C6: variants seen among roughly 807,000 people sequenced by gnomAD.
The protein encoded by C6 is complement component C6.
In C6, 101 loss-of-function variants were observed where a neutral mutation model predicts 112.9. The ratio of observed to expected loss-of-function variants is 0.89; its 90% CI spans 0.76 to 1.06. The LOEUF (loss-of-function observed/expected upper bound fraction) is 1.06, where lower values mean the gene tolerates loss of function less well. C6 is among the 50% of genes least tolerant of loss of function. The pLI, the probability that C6 is intolerant of heterozygous loss-of-function variation, is 0.00. For missense variants in C6, 1,202 were observed against 1,104.6 expected, an observed-to-expected ratio of 1.09 and a Z score of -1.25; for synonymous variants, 431 against 384.1, an observed-to-expected ratio of 1.12 and a Z score of -1.43.
chr5:41,221,159 C>T (rs1300195745), intron 1 of C6, among the ~76,000 whole-genome samples: 1 of 151,772 alleles, frequency 6.6e-6, no homozygotes, highest in African/African-American at 2.4e-5. Context: ...TATTTTTTTG[C>T]TGTTGTTGGT....
intron 12 of C6, 94 bp from the exon 13 acceptor site, chr5:41,158,879 C>T (rs41271069): frequency 0.012 from 11,816 of 955,064 alleles, 111 homozygotes; most frequent in Non-Finnish European, 0.015. Flanking sequence ...GTACACATTG[C>T]ATACATATAT....
rs894782145 is a variant in C6, at chr5:41,160,196, G to GAC, written c.1628_1629dup (p.Gln544ValfsTer22). On this transcript the variant is annotated frameshift_variant, in exon 11 of 18. Coordinates refer to ENST00000337836, the MANE Select transcript of C6 (RefSeq NM_000065.5). LOFTEE classifies it high-confidence loss of function. ...CAGTTCTCACCATAGGTGCCACTCT[G>GAC]ACACACACACAGACATTCAGTCCCT... 3 of 1,613,534 alleles carry GAC rather than the reference G, an allele frequency of 1.9e-6. No homozygotes were observed. Among genetic ancestry groups the GAC allele is most frequent in the Admixed American group, 3.3e-5 (2 of 59,980 alleles).
At chr5:41,184,462 ATTTTCTTTTC>A (rs201866805) in intron 6 of C6, among the ~76,000 whole-genome samples, 6,945 of 146,856 alleles carry the variant, frequency 0.047, 167 homozygotes, top group Middle Eastern at 0.072. Context: ...ATAAGCCTAA[ATTTTCTTTTC>A]TTTTCTTTTC....
At chr5:41,150,506 T>C (rs1746286743) in intron 15 of C6, among the ~76,000 whole-genome samples, 1 of 151,992 alleles carries the variant, frequency 6.6e-6, no homozygotes. Flanking sequence ...TAATAAAAAA[T>C]TGATGTAGCT....
intron 12 of C6, 130 bp downstream of exon 12, chr5:41,158,952 T>C: frequency 8.1e-7 from 1 of 1,234,566 alleles, no homozygotes; most frequent in Non-Finnish European, 1.2e-6. Flanking sequence ...GGCTCATTAA[T>C]ATTCTGTGTT....
chr5:41,192,897 A>C (rs4957377), intron 5 of C6, among the ~76,000 whole-genome samples: 27,811 of 152,126 alleles, frequency 0.18, 2,886 homozygotes, highest in South Asian at 0.32. Flanking sequence ...ATGAAGCTTG[A>C]TATCTAATAT....
chr5:41,190,493 C>T (rs115131989), intron 5 of C6, among the ~76,000 whole-genome samples: 3,839 of 152,100 alleles, frequency 0.025, 164 homozygotes, highest in African/African-American at 0.088. Flanking sequence ...CCTTATATAT[C>T]CTGGATATTA....
At chr5:41,181,587 T>C (rs780714481) in intron 6 of C6, 28 bp from the exon 7 acceptor site, 1 of 1,572,482 alleles carries the variant, frequency 6.4e-7, no homozygotes, top group African/African-American at 1.4e-5. Flanking sequence ...TAAAATAAAA[T>C]ATAATTTAGG....
At chr5:41,250,619 A>G (rs749629) in intron 1 of C6, among the ~76,000 whole-genome samples, 32,147 of 152,084 alleles carry the variant, frequency 0.21, 4,225 homozygotes, top group Non-Finnish European at 0.29. Context: ...TATCCACTAT[A>G]CACACTATAT....
intron 1 of C6, among the ~76,000 whole-genome samples, chr5:41,222,156 A>G (rs1214681389): frequency 6.8e-6 from 1 of 148,016 alleles, no homozygotes; most frequent in Non-Finnish European, 1.5e-5. Context: ...ACAGAGAGAG[A>G]CTCCATCTCA....
intron 9 of C6, among the ~76,000 whole-genome samples, chr5:41,166,789 C>A (rs1454363960): frequency 2.0e-5 from 3 of 152,076 alleles, no homozygotes; most frequent in Non-Finnish European, 4.4e-5. Flanking sequence ...CTTGGACTGT[C>A]TGCTAAAAAT....
At position 41,186,155 on chromosome 5, in the gene C6, G is replaced by C; in HGVS notation, c.641C>G (p.Thr214Ser). The change falls in exon 6 of 18, where the codon ACT becomes AGT. Residue 214 changes from threonine (T) to serine (S), a missense_variant. Transcript: ENST00000337836. Reference protein sequence around the residue: ...PRGEVLDNSFTGGICKTVKSS... With the variant: ...PRGEVLDNSFSGGICKTVKSS... ...TTTGACAGTTTTACATATTCCTCCA[G>C]TGAAAGAGTTATCAAGGACTTCTCC... The C allele has an allele frequency of 6.2e-7, 1 of 1,613,884 alleles. No individual in the cohort carries two copies. Among genetic ancestry groups the C allele is most frequent in the Non-Finnish European group, 8.5e-7 (1 of 1,179,862 alleles).
At chr5:41,240,285 C>T (rs1007317707) in intron 1 of C6, among the ~76,000 whole-genome samples, 97 of 152,150 alleles carry the variant, frequency 6.4e-4, no homozygotes, top group African/African-American at 2.1e-3. Flanking sequence ...ATTGGTGGGC[C>T]AAGAATGCCT....
intron 1 of C6, among the ~76,000 whole-genome samples, chr5:41,239,483 C>A (rs1382463790): frequency 1.3e-5 from 2 of 152,062 alleles, no homozygotes; most frequent in Non-Finnish European, 2.9e-5. Flanking sequence ...ATACACAATA[C>A]ATTGTTGTTA....
intron 1 of C6, among the ~76,000 whole-genome samples, chr5:41,225,151 G>T (rs1002621839): frequency 6.6e-6 from 1 of 152,142 alleles, no homozygotes; most frequent in African/African-American, 2.4e-5. Context: ...TGCCATGTTG[G>T]TGTGCCGCAC....
rs1748856086 is a variant in C6 at position 41,176,488 on chromosome 5, T to C, written c.1155A>G (p.Glu385=). 1 of 1,613,468 alleles carries C rather than the reference T, an allele frequency of 6.2e-7. No homozygotes were observed. The highest frequency in any genetic ancestry group is 1.1e-5 in the South Asian group (1 of 91,074). ...YDLLYQFSSE[E]LKNSGLTEEE... ...GAAGAAAGTTACCTGAGTTCTTTAG[T>C]TCCTCACTGCTAAACTGATAGAGAA... is the stretch of plus-strand genomic sequence containing the variant. Residue 385 remains glutamate, a synonymous_variant, in exon 8 of 18, where the codon GAA becomes GAG. Transcript: ENST00000337836.
At chr5:41,200,895 T>G (rs1358422380) in intron 3 of C6, among the ~76,000 whole-genome samples, 14 of 24,264 alleles carry the variant, frequency 5.8e-4, no homozygotes, top group East Asian at 5.1e-3. Flanking sequence ...GTTGTTGTTT[T>G]TTTTTTTTTT....
intron 1 of C6, among the ~76,000 whole-genome samples, chr5:41,227,260 G>C (rs1195497676): frequency 6.6e-6 from 1 of 151,968 alleles, no homozygotes; most frequent in South Asian, 2.1e-4. Flanking sequence ...GTCTTCTTTT[G>C]AGAAATGTCT....
chr5:41,245,744 T>C (rs1740985079), intron 1 of C6, among the ~76,000 whole-genome samples: 1 of 152,068 alleles, frequency 6.6e-6, no homozygotes, highest in African/African-American at 2.4e-5. Flanking sequence ...TTGATTTTTT[T>C]TTAAATCTTG....
Sources: allele counts gnomAD v4.1 joint callset (sites outside exome capture counted in the v4.1 genomes callset), GRCh38; gene constraint gnomAD v4.1.1; transcripts MANE v1.5; gene names NCBI Gene and HGNC (gene_info 2026-07-23, HGNC 2026-07-21).